The following TRPM1 variants were observed in gnomAD, a reference collection of about 807,000 sequenced individuals.
The protein encoded by TRPM1 is TRPM1-203 APA Isoform, Intron 10.
TRPM1 carries 113 observed loss-of-function variants against 149.4 expected under a neutral mutation model. The ratio of observed to expected loss-of-function variants is 0.76; its 90% CI spans 0.65 to 0.88. The LOEUF (loss-of-function observed/expected upper bound fraction) is 0.88, where lower values mean the gene tolerates loss of function less well. Among genes scored for constraint, TRPM1 ranks in the 40% least tolerant of loss-of-function variants. TRPM1 has a pLI of 0.00. For synonymous variants in TRPM1, 741 were observed against 759.5 expected (o/e 0.98, Z 0.40); for missense variants, 1,976 against 2,038.7 (o/e 0.97, Z 0.59).
At chr15:31,098,043 T>C (rs1193243498) in intron 1 of TRPM1, among the ~76,000 whole-genome samples, 3 of 152,242 alleles carry the variant, frequency 2.0e-5, no homozygotes, top group Non-Finnish European at 4.4e-5. Flanking sequence ...TTAATTTCAC[T>C]TATTTGTTTT....
chr15:31,041,872 A>C, intron 17 of TRPM1, 79 bp downstream of exon 17: 16 of 1,501,164 alleles, frequency 1.1e-5, no homozygotes, highest in Non-Finnish European at 1.4e-5. Flanking sequence ...TGAGAAGTAC[A>C]TTGGCCACCC....
intron 12 of TRPM1, among the ~76,000 whole-genome samples, chr15:31,050,044 CA>C (rs145293272): frequency 0.033 from 5,089 of 152,150 alleles, 282 homozygotes; most frequent in African/African-American, 0.12. Flanking sequence ...CTCTGTCTGT[CA>C]AAAAAGGGCT....
At chr15:31,046,110 G>T in intron 16 of TRPM1, 94 bp downstream of exon 16, 1 of 1,256,244 alleles carries the variant, frequency 8.0e-7, no homozygotes, top group African/African-American at 1.5e-5. Context: ...AAATTTTGGT[G>T]AGTAGTATCG....
At chr15:31,008,704 C>A (rs911986821) in intron 27 of TRPM1, among the ~76,000 whole-genome samples, 2 of 152,242 alleles carry the variant, frequency 1.3e-5, no homozygotes, top group African/African-American at 4.8e-5. Context: ...GAAGTGACCA[C>A]AGCATTTACT....
At chr15:31,100,059 G>A (rs973180719) in intron 1 of TRPM1, among the ~76,000 whole-genome samples, 2 of 150,506 alleles carry the variant, frequency 1.3e-5, no homozygotes, top group Admixed American at 1.3e-4. Flanking sequence ...TTCTTTCTTT[G>A]TTTCTTTCTT....
At chr15:31,110,745 C>T (rs377170537) in intron 1 of TRPM1, among the ~76,000 whole-genome samples, 1 of 152,134 alleles carries the variant, frequency 6.6e-6, no homozygotes, top group East Asian at 1.9e-4. Flanking sequence ...CTGTGAGGAC[C>T]GGCCATGGAG....
intron 1 of TRPM1, among the ~76,000 whole-genome samples, chr15:31,131,064 G>T (rs181751191): frequency 1.6e-3 from 251 of 152,248 alleles, no homozygotes; most frequent in African/African-American, 5.5e-3. Flanking sequence ...ACTTTCTGGG[G>T]TGTTATCCAG....
At chr15:31,003,605 T>C (rs995210545) in intron 27 of TRPM1, among the ~76,000 whole-genome samples, 1 of 152,214 alleles carries the variant, frequency 6.6e-6, no homozygotes, top group Non-Finnish European at 1.5e-5. Context: ...GCTTTGACTA[T>C]GGCTGTCAGC....
chr15:31,019,921 G>C (rs7172375), intron 27 of TRPM1, among the ~76,000 whole-genome samples: 13,949 of 152,220 alleles, frequency 0.092, 983 homozygotes, highest in African/African-American at 0.19. Context: ...CGCCCACCTC[G>C]GCCTCCCAAA....
chr15:31,146,421 C>G (rs2036225226), intron 1 of TRPM1, among the ~76,000 whole-genome samples: 1 of 152,212 alleles, frequency 6.6e-6, no homozygotes. Context: ...TAGGCCCCAA[C>G]AGACCAGACT....
intron 1 of TRPM1, among the ~76,000 whole-genome samples, chr15:31,113,849 A>G (rs1454486138): frequency 6.6e-6 from 1 of 152,116 alleles, no homozygotes; most frequent in Non-Finnish European, 1.5e-5. Context: ...CAAAACAACG[A>G]CGCTCCCACA....
intron 1 of TRPM1, among the ~76,000 whole-genome samples, chr15:31,114,786 A>G (rs2035774669): frequency 6.6e-6 from 1 of 152,254 alleles, no homozygotes; most frequent in African/African-American, 2.4e-5. Flanking sequence ...ACAAACTAAC[A>G]GAGTTAATTT....
At chr15:31,155,781 T>C (rs991893839) in intron 1 of TRPM1, among the ~76,000 whole-genome samples, 1 of 152,176 alleles carries the variant, frequency 6.6e-6, no homozygotes, top group Non-Finnish European at 1.5e-5. Context: ...CAAATTCCTA[T>C]CTAAGGGACT....
rs1422933309 is a variant in TRPM1 at position 31,047,913 on chromosome 15, A to T, written c.1599T>A (p.His533Gln). The T allele has an allele frequency of 2.5e-6, 4 of 1,613,908 alleles. No homozygotes were observed. The African/African-American group carries it at 4.0e-5, about 16-fold the overall frequency. ...CCTTTTTCACATCCCTCACCAGCAG[A>T]TGAAGTGTGTTTGGTGGACCCAGTC... ...NTRLGPPNTL[H>Q]LLVRDVKKSN... The change falls in exon 14 of 28, where the codon CAT becomes CAA. Residue 533 changes from histidine (H) to glutamine (Q), a missense_variant. By Grantham distance (24) the His-to-Gln change is conservative (BLOSUM62 0). This residue lies in a region of TRPM1 where 1,332 missense variants were observed against 1,347.1 expected (regional missense o/e 0.99). Coordinates refer to ENST00000256552, the MANE Select transcript of TRPM1 (RefSeq NM_001252024.2).
rs781379511 is a variant in TRPM1 at position 31,070,126 on chromosome 15, C to T, written c.184G>A (p.Glu62Lys). Residue 62 changes from glutamate (E) to lysine (K), a missense_variant, in exon 4 of 28, where the codon GAG (glutamate) becomes AAG (lysine). Coordinates refer to ENST00000256552, the MANE Select transcript of TRPM1 (RefSeq NM_001252024.2). ...GTGTGCTTGGCAACAGACCATTTCTCAGGCTGAGTCTCCACCTGTTTGCTT... is the reference window on the plus strand; with the variant it reads ...GTGTGCTTGGCAACAGACCATTTCTTAGGCTGAGTCTCCACCTGTTTGCTT... ...EESKQVETQP[E>K]KWSVAKHTQS... The T allele has an allele frequency of 1.7e-5, 27 of 1,614,126 alleles. No homozygotes were observed. The highest frequency in any genetic ancestry group is 2.3e-5 in the Non-Finnish European group (27 of 1,179,958).
At chr15:31,045,024 G>T (rs1308087019) in intron 16 of TRPM1, among the ~76,000 whole-genome samples, 1 of 152,160 alleles carries the variant, frequency 6.6e-6, no homozygotes, top group Non-Finnish European at 1.5e-5. Flanking sequence ...ACACTTCTAA[G>T]AAATAGGACT....
rs530009726 is a variant in TRPM1 at position 31,037,680 on chromosome 15, T to C, written c.2571+31A>G. The C allele has an allele frequency of 1.5e-5, 24 of 1,614,210 alleles. No individual in the cohort carries two copies. In the East Asian group the frequency reaches 4.9e-4, roughly 33 times the overall value. The stretch of plus-strand genomic sequence containing the variant: ...ACATATCAAAGCATTCAAAATATAC[T>C]GAATGTCAAATGTTCAGGAGGAGGC... On this transcript the variant is annotated intron_variant, in intron 20 of 27. Coordinates refer to ENST00000256552, the MANE Select transcript of TRPM1 (RefSeq NM_001252024.2).
At chr15:31,052,735 G>A (rs547013882) in intron 11 of TRPM1, among the ~76,000 whole-genome samples, 24 of 152,240 alleles carry the variant, frequency 1.6e-4, no homozygotes, top group Admixed American at 7.8e-4. Context: ...AGATCGTGCC[G>A]TTGCACTCCA....
intron 3 of TRPM1, among the ~76,000 whole-genome samples, chr15:31,073,757 C>T (rs4779815): frequency 0.6 from 91,521 of 151,808 alleles, 27,820 homozygotes; most frequent in East Asian, 0.81. Flanking sequence ...ATAGAAGTAG[C>T]GAGAGAGGAC....
Sources: allele counts gnomAD v4.1 joint callset (sites outside exome capture counted in the v4.1 genomes callset), GRCh38; gene constraint gnomAD v4.1.1; regional missense constraint gnomAD v4.1.1; transcripts MANE v1.5; gene names NCBI Gene and HGNC (gene_info 2026-07-23, HGNC 2026-07-21).